NDUFA10: variants seen among roughly 807,000 people sequenced by gnomAD.
NDUFA10 encodes the protein NADH:ubiquinone oxidoreductase subunit A10.
NDUFA10 carries 40 observed loss-of-function variants against 47.8 expected under a neutral mutation model. The observed-to-expected ratio is 0.84, with a 90% CI of 0.65 to 1.09. The LOEUF (loss-of-function observed/expected upper bound fraction) is 1.09. Ranked by LOEUF, NDUFA10 falls within the 50% of genes least tolerant of loss-of-function variation. The probability of loss-of-function intolerance (pLI) is 0.00; values close to 1 mark genes in which losing one functional copy is unlikely to be tolerated. For synonymous variants in NDUFA10, 183 were observed against 172.2 expected (o/e 1.06, Z -0.49); for missense variants, 413 against 451.1 (o/e 0.92, Z 0.76).
In NDUFA10 at chr2:240,016,192, G is replaced by A. The variant is rs1697340033; in HGVS notation, c.548-1332C>T. Among the ~76,000 whole-genome samples, 1 of 152,208 alleles carries A rather than the reference G, an allele frequency of 6.6e-6. No homozygotes were observed. Among genetic ancestry groups the A allele is most frequent in the Admixed American group, 6.5e-5 (1 of 15,284 alleles). ...CAAGGAAGACCACCCAGGAGGAGGTGTGACAAAGCAAAGGACGGAGGCTGC... is the reference window on the plus strand; with the variant it reads ...CAAGGAAGACCACCCAGGAGGAGGTATGACAAAGCAAAGGACGGAGGCTGC... On this transcript the variant is annotated intron_variant, in intron 4 of 9. Coordinates refer to ENST00000252711, the MANE Select transcript of NDUFA10 (RefSeq NM_004544.4). This position sits in a 1 kb window ranked among gnomAD's most constrained non-coding sequence, Gnocchi z 4.4.
At chr2:239,998,182 G>T (rs1453478095) in intron 8 of NDUFA10, among the ~76,000 whole-genome samples, 1 of 152,132 alleles carries the variant, frequency 6.6e-6, no homozygotes, top group Non-Finnish European at 1.5e-5. Context: ...TTCCAAGAGG[G>T]TGTGCCTTTG....
chr2:239,954,670 G>A (rs1694617953), downstream of NDUFA10, among the ~76,000 whole-genome samples: 1 of 152,220 alleles, frequency 6.6e-6, no homozygotes, highest in South Asian at 2.1e-4. Flanking sequence ...CAAAGGAGGG[G>A]CTGTTTTAAG....
chr2:239,896,535 G>A (rs534289386), intron 4 of NDUFA10, among the ~76,000 whole-genome samples: 2 of 152,318 alleles, frequency 1.3e-5, no homozygotes, highest in South Asian at 4.1e-4. Flanking sequence ...CAGCCAGTGG[G>A]GCCACGGAAG....
intron 5 of NDUFA10, among the ~76,000 whole-genome samples, chr2:239,893,314 C>T (rs1233301056): frequency 6.6e-6 from 1 of 152,142 alleles, no homozygotes; most frequent in African/African-American, 2.4e-5. Flanking sequence ...CAGCGTGGAC[C>T]ATGTGCCCAC....
rs116285307 is a variant in NDUFA10 at position 239,912,461 on chromosome 2, C to T, written c.295-17147G>A. Among the ~76,000 whole-genome samples the T allele has an allele frequency of 5.4e-3, 818 of 152,332 alleles. 5 individuals are homozygous for T. Among genetic ancestry groups the T allele is most frequent in the African/African-American group, 0.019 (780 of 41,580 alleles). ...TGAGGGCAGAAAAGACACACTTGTACCCAGAACACATGCTGGAGCCAGGCG... is the reference window on the plus strand; with the variant it reads ...TGAGGGCAGAAAAGACACACTTGTATCCAGAACACATGCTGGAGCCAGGCG... On this transcript the variant is annotated intron_variant, in intron 4 of 5. Transcript: ENST00000419408.
At chr2:240,006,523 C>T (rs1696954682) in intron 7 of NDUFA10, among the ~76,000 whole-genome samples, 1 of 152,222 alleles carries the variant, frequency 6.6e-6, no homozygotes, top group African/African-American at 2.4e-5. Context: ...ACCACTCACA[C>T]TTCAAGACCA....
At chr2:240,013,439 TG>T (rs1279578335) in intron 5 of NDUFA10, 1 of 152,278 alleles carries the variant, frequency 6.6e-6, no homozygotes, top group Non-Finnish European at 1.5e-5. Flanking sequence ...TGTATGACTT[TG>T]TTTTTCTCAA....
intron 1 of NDUFA10, 68 bp from the exon 2 acceptor site, chr2:240,022,408 T>C (rs1697660751): frequency 6.2e-7 from 1 of 1,605,920 alleles, no homozygotes; most frequent in Non-Finnish European, 8.5e-7. Context: ...TTAGTAACTA[T>C]TAGGTAAAAA....
In NDUFA10 at chr2:239,908,831, G is replaced by C. The variant is rs377678519; in HGVS notation, c.295-13517C>G. Among the ~76,000 whole-genome samples the C allele has an allele frequency of 2.0e-5, 3 of 152,262 alleles. No individual in the cohort carries two copies. In the South Asian group the frequency reaches 6.2e-4, roughly 32 times the overall value. ...GGGGTTGCACACCACGACAGCCATC[G>C]TGGCACCTGCACCTACCTCCCTGTT... On this transcript the variant is annotated intron_variant, in intron 4 of 5. Transcript: ENST00000419408.
intron 6 of NDUFA10, among the ~76,000 whole-genome samples, chr2:240,008,419 C>T (rs1697023805): frequency 6.6e-6 from 1 of 152,222 alleles, no homozygotes; most frequent in South Asian, 2.1e-4. Flanking sequence ...ACACTAATTA[C>T]AGGACTTGCT....
intron 9 of NDUFA10, among the ~76,000 whole-genome samples, chr2:239,978,818 T>G (rs757574510): frequency 1.3e-5 from 2 of 152,212 alleles, no homozygotes; most frequent in African/African-American, 4.8e-5. Flanking sequence ...TCTATTGAAA[T>G]AGGTGTGGGC....
chr2:239,904,509 G>A (rs1693611817), intron 4 of NDUFA10, among the ~76,000 whole-genome samples: 1 of 152,142 alleles, frequency 6.6e-6, no homozygotes, highest in South Asian at 2.1e-4. Context: ...TGGCCAGGCT[G>A]GTCTCGAACT....
rs566515901 is a variant in NDUFA10, at chr2:239,907,588, G to A, written c.295-12274C>T. 3.3e-5 allele frequency among the ~76,000 whole-genome samples: 5 copies of A among 152,154 alleles called. No individual in the cohort carries two copies. The East Asian group carries it at 9.6e-4, about 29-fold the overall frequency. On this transcript the variant is annotated intron_variant, in intron 4 of 5. Coordinates refer to the NDUFA10 transcript ENST00000419408. ...CAACCCCATCAAAAAGTGGGCGAAG[G>A]ATATAAACAGACACTTCTCAAAAGA...
At chr2:239,982,070 T>C in intron 9 of NDUFA10, 4 of 1,610,134 alleles carry the variant, frequency 2.5e-6, no homozygotes, top group Non-Finnish European at 3.4e-6. Context: ...TGTCCTCAAA[T>C]GCTGTTTGCT....
intron 4 of NDUFA10, among the ~76,000 whole-genome samples, chr2:239,900,808 G>C (rs992582298): frequency 2.0e-5 from 3 of 152,236 alleles, no homozygotes; most frequent in African/African-American, 7.2e-5. Flanking sequence ...GGTAAAGCTA[G>C]AGAAGGAAAT....
intron 9 of NDUFA10, among the ~76,000 whole-genome samples, chr2:239,978,349 T>C (rs1288292668): frequency 1.3e-5 from 2 of 152,194 alleles, no homozygotes; most frequent in East Asian, 3.8e-4. Context: ...CGCAGTATCC[T>C]GGGCATGGTC....
chr2:239,961,241 C>T, intron 9 of NDUFA10, 55 bp from the exon 10 acceptor site: 4 of 1,613,148 alleles, frequency 2.5e-6, no homozygotes, highest in Non-Finnish European at 3.4e-6. Context: ...AATGTTTCCC[C>T]AGCTCATAGT....
At chr2:239,946,168 C>T (rs1694449299) in intron 4 of NDUFA10, among the ~76,000 whole-genome samples, 1 of 152,172 alleles carries the variant, frequency 6.6e-6, no homozygotes, top group Non-Finnish European at 1.5e-5. Context: ...ACGCTCCTCC[C>T]ACTTGCTCCT....
intron 8 of NDUFA10, among the ~76,000 whole-genome samples, chr2:240,000,371 C>G (rs74538205): frequency 8.3e-4 from 126 of 152,060 alleles, no homozygotes; most frequent in African/African-American, 3.0e-3. Context: ...GCCCAGGCCA[C>G]TGTGTTTGTA....
Sources: allele counts gnomAD v4.1 joint callset (sites outside exome capture counted in the v4.1 genomes callset), GRCh38; gene constraint gnomAD v4.1.1; non-coding constraint Gnocchi (gnomAD v3.1); transcripts MANE v1.5; gene names NCBI Gene and HGNC (gene_info 2026-07-23, HGNC 2026-07-21).